CNTLN: variants seen among roughly 807,000 people sequenced by gnomAD.
CNTLN encodes the protein centlein, also known as centlein, centrosomal protein.
In CNTLN, 212 loss-of-function variants were observed where a neutral mutation model predicts 180.0. The ratio of observed to expected loss-of-function variants is 1.18; its 90% CI spans 1.05 to 1.32. The LOEUF (loss-of-function observed/expected upper bound fraction) is 1.32. CNTLN is among the 40% of genes most tolerant of loss of function. The pLI, the probability that CNTLN is intolerant of heterozygous loss-of-function variation, is 0.00. For missense variants in CNTLN, 2,095 were observed against 1,610.9 expected (o/e 1.30, Z -5.14); for synonymous variants, 722 against 563.1 (o/e 1.28, Z -3.99).
intron 5 of CNTLN, among the ~76,000 whole-genome samples, chr9:17,248,258 G>A (rs924391676): frequency 3.3e-5 from 5 of 151,988 alleles, no homozygotes; most frequent in Non-Finnish European, 5.9e-5. Flanking sequence ...TACAGAATGA[G>A]TTAGGATGTA....
intron 5 of CNTLN, among the ~76,000 whole-genome samples, chr9:17,259,642 A>C (rs1826796833): frequency 6.6e-6 from 1 of 150,892 alleles, no homozygotes; most frequent in Non-Finnish European, 1.5e-5. Context: ...GATTATTGCC[A>C]CAATTTCAGA....
chr9:17,135,338 C>A lies in CNTLN; in HGVS notation c.273C>A (p.Gly91=), dbSNP rs747223988. 2 of 1,602,180 alleles carry A rather than the reference C, an allele frequency of 1.2e-6. No individual in the cohort carries two copies. The highest frequency in any genetic ancestry group is 8.5e-7 in the Non-Finnish European group (1 of 1,175,180). Reference sequence around the variant, plus strand: ...CCATGGGGTCCAGACGGCTAGAGGGCATCTCGGTAGAGGAGGCGATGGTGA... The same window carrying A: ...CCATGGGGTCCAGACGGCTAGAGGGAATCTCGGTAGAGGAGGCGATGGTGA... The part of the protein sequence containing the change: ...SAPMGSRRLE[G]ISVEEAMVTR... The change falls in exon 1 of 26, where the codon GGC becomes GGA. Residue 91 remains glycine, a synonymous_variant. Coordinates refer to ENST00000380647, the MANE Select transcript of CNTLN (RefSeq NM_017738.4).
intron 25 of CNTLN, among the ~76,000 whole-genome samples, chr9:17,492,785 C>T (rs779066686): frequency 3.3e-5 from 5 of 152,096 alleles, no homozygotes; most frequent in South Asian, 2.1e-4. Context: ...TATTTGTACA[C>T]CAATGCTCAC....
chr9:17,295,517 C>T (rs1471273537), intron 6 of CNTLN, among the ~76,000 whole-genome samples: 1 of 152,126 alleles, frequency 6.6e-6, no homozygotes, highest in Non-Finnish European at 1.5e-5. Flanking sequence ...TGCCAGCTGC[C>T]TAGTCAGTCC....
rs756282702 is a variant in CNTLN at position 17,237,519 on chromosome 9, T to TA, written c.849+939dup. On this transcript the variant is annotated intron_variant, in intron 5 of 25. Coordinates refer to ENST00000380647, the MANE Select transcript of CNTLN (RefSeq NM_017738.4). ...CAATTAAAAGTAACAATACAATAAT[T>TA]AAAAAAAACAAGTAAAAGATACAGT... 2.0e-4 allele frequency among the ~76,000 whole-genome samples: 31 copies of TA among 151,698 alleles called. No individual in the cohort carries two copies. The East Asian group carries it at 4.1e-3, about 20-fold the overall frequency.
intron 8 of CNTLN, among the ~76,000 whole-genome samples, chr9:17,328,303 A>G (rs1007870126): frequency 1.3e-5 from 2 of 152,188 alleles, no homozygotes; most frequent in African/African-American, 2.4e-5. Flanking sequence ...CCACTACCAC[A>G]TTCTCAAAGT....
chr9:17,347,874 C>T (rs7865766), intron 12 of CNTLN, among the ~76,000 whole-genome samples: 76,493 of 151,726 alleles, frequency 0.5, 20,530 homozygotes, highest in Non-Finnish European at 0.6. Context: ...CTCTGTCGCT[C>T]AGGCTGGAGT....
intron 12 of CNTLN, among the ~76,000 whole-genome samples, chr9:17,359,725 CAAAAAAAA>C (rs1176814681): frequency 9.4e-4 from 20 of 21,334 alleles, no homozygotes; most frequent in African/African-American, 2.2e-3. Context: ...ACTAAAAATA[CAAAAAAAA>C]AAAAAAAAAA....
At chr9:17,344,083 G>A (rs1821694072) in intron 12 of CNTLN, among the ~76,000 whole-genome samples, 1 of 152,134 alleles carries the variant, frequency 6.6e-6, no homozygotes, top group Non-Finnish European at 1.5e-5. Flanking sequence ...AAGTGAATTA[G>A]TTGAGAGACC....
At chr9:17,490,562 G>A (rs981940316) in intron 25 of CNTLN, among the ~76,000 whole-genome samples, 5 of 152,000 alleles carry the variant, frequency 3.3e-5, no homozygotes, top group Admixed American at 2.0e-4. Flanking sequence ...CAGTATGTTT[G>A]TGGTTGCCAG....
intron 5 of CNTLN, among the ~76,000 whole-genome samples, chr9:17,267,201 G>A (rs1410694867): frequency 1.3e-5 from 2 of 152,034 alleles, no homozygotes; most frequent in African/African-American, 2.4e-5. Context: ...CATGTTTAGT[G>A]CTTCCTTCAG....
intron 8 of CNTLN, among the ~76,000 whole-genome samples, chr9:17,311,132 C>G (rs1819103869): frequency 6.6e-6 from 1 of 151,932 alleles, no homozygotes; most frequent in African/African-American, 2.4e-5. Context: ...TCAAGCAATT[C>G]TCCTGCCTCA....
chr9:17,236,532 A>G lies in CNTLN; in HGVS notation c.793A>G (p.Arg265Gly), dbSNP rs1449398134. The change falls in exon 5 of 26, where the codon AGG (arginine) becomes GGG (glycine). Residue 265 changes from arginine (R) to glycine (G), a missense_variant. By Grantham distance (125) the Arg-to-Gly change is moderately radical. Coordinates refer to ENST00000380647, the MANE Select transcript of CNTLN (RefSeq NM_017738.4). Reference protein sequence around the residue: ...TDLLNDLEKLRKQEAHLRKEK... With the variant: ...TDLLNDLEKLGKQEAHLRKEK... ...CCTGCTAAATGACCTGGAGAAATTG[A>G]GGAAGCAGGAAGCACATTTGAGAAA... 1 of 1,613,554 alleles carries G rather than the reference A, an allele frequency of 6.2e-7. No homozygotes were observed. The highest frequency in any genetic ancestry group is 1.1e-5 in the South Asian group (1 of 91,010).
intron 12 of CNTLN, among the ~76,000 whole-genome samples, chr9:17,342,910 G>A (rs1821599763): frequency 6.6e-6 from 1 of 152,196 alleles, no homozygotes; most frequent in African/African-American, 2.4e-5. Context: ...GCTACTCTTG[G>A]AGCTGGAGCT....
At chr9:17,162,192 G>A (rs1819727716) in intron 2 of CNTLN, among the ~76,000 whole-genome samples, 1 of 151,890 alleles carries the variant, frequency 6.6e-6, no homozygotes, top group African/African-American at 2.4e-5. Flanking sequence ...TCAGCTCACT[G>A]CAAGCTCCAC....
At chr9:17,151,897 A>G (rs144319811) in intron 2 of CNTLN, among the ~76,000 whole-genome samples, 2 of 152,196 alleles carry the variant, frequency 1.3e-5, no homozygotes, top group East Asian at 1.9e-4. Context: ...GGGAGGGTGT[A>G]TGTGTCCAGG....
chr9:17,143,521 A>G, intron 2 of CNTLN, 145 bp downstream of exon 2: 1 of 631,184 alleles, frequency 1.6e-6, no homozygotes, highest in Non-Finnish European at 2.7e-6. Flanking sequence ...AAATTGTTGG[A>G]TTTATTATGA....
At chr9:17,341,883 A>G (rs1821504674) in intron 11 of CNTLN, among the ~76,000 whole-genome samples, 1 of 152,188 alleles carries the variant, frequency 6.6e-6, no homozygotes. Context: ...ACTAATCATT[A>G]GAAGAGTGAA....
chr9:17,254,330 C>G (rs1476657710), intron 5 of CNTLN, among the ~76,000 whole-genome samples: 1 of 151,542 alleles, frequency 6.6e-6, no homozygotes, highest in African/African-American at 2.4e-5. Context: ...TATGTTTTTG[C>G]TTTTGTTGTC....
Sources: allele counts gnomAD v4.1 joint callset (sites outside exome capture counted in the v4.1 genomes callset), GRCh38; gene constraint gnomAD v4.1.1; transcripts MANE v1.5; gene names NCBI Gene and HGNC (gene_info 2026-07-23, HGNC 2026-07-21).